The following HNRNPR variants were observed in gnomAD, a reference collection of about 807,000 sequenced individuals.
HNRNPR encodes the protein heterogeneous nuclear ribonucleoprotein R.
HNRNPR carries 4 observed loss-of-function variants against 70.3 expected under a neutral mutation model. That is an observed-to-expected ratio of 0.06 (90% CI 0.03 to 0.13). The LOEUF (loss-of-function observed/expected upper bound fraction) is 0.13. Among genes scored for constraint, HNRNPR ranks in the 10% least tolerant of loss-of-function variants. The pLI, the probability that HNRNPR is intolerant of heterozygous loss-of-function variation, is 1.00. For missense variants in HNRNPR, 423 were observed against 788.5 expected (o/e 0.54, Z 5.55); for synonymous variants, 241 against 267.6 (o/e 0.90, Z 0.97).
At chr1:23,331,834 TA>T (rs59006948) in intron 5 of HNRNPR, among the ~76,000 whole-genome samples, 833 of 59,204 alleles carry the variant, frequency 0.014, 25 homozygotes, top group African/African-American at 0.035. Flanking sequence ...ACTGTTTCTT[TA>T]AAAAAAAAAA....
rs980667537 is a variant in HNRNPR, at chr1:23,305,353, A to T, written c.*5101T>A. The T allele has an allele frequency of 3.9e-5, 6 of 152,166 alleles. No homozygotes were observed. Among genetic ancestry groups the T allele is most frequent in the African/African-American group, 1.4e-4 (6 of 41,446 alleles). The allele number at this position is 152,166 out of a possible 1,614,324, so 9.4% of individuals were successfully genotyped here. On this transcript the variant is annotated 3_prime_UTR_variant, in exon 11 of 11. Coordinates refer to ENST00000302271, the MANE Select transcript of HNRNPR (RefSeq NM_005826.5). ...CAACCCTGCAATCACTACAATTCTT[A>T]AAAGTATTACATAATTTCATTCTAG... is the stretch of plus-strand genomic sequence containing the variant.
chr1:23,319,657 G>C (rs1645681549), intron 7 of HNRNPR, among the ~76,000 whole-genome samples: 1 of 152,112 alleles, frequency 6.6e-6, no homozygotes, highest in Admixed American at 6.5e-5. Flanking sequence ...GTTATTTCCT[G>C]CTTAAAACCT....
At chr1:23,327,465 A>T (rs1340823742) in intron 5 of HNRNPR, among the ~76,000 whole-genome samples, 1 of 152,160 alleles carries the variant, frequency 6.6e-6, no homozygotes, top group Non-Finnish European at 1.5e-5. Context: ...AGGTGGGCAG[A>T]TCACTTTAAG....
At chr1:23,321,400 G>C (rs1645753996) in intron 7 of HNRNPR, 128 bp downstream of exon 7, 2 of 711,002 alleles carry the variant, frequency 2.8e-6, no homozygotes, top group Non-Finnish European at 2.3e-6. Context: ...AAAGCAGAAA[G>C]GAAGCAATTT....
intron 5 of HNRNPR, among the ~76,000 whole-genome samples, chr1:23,324,454 G>C (rs985080288): frequency 6.6e-6 from 1 of 152,148 alleles, no homozygotes; most frequent in Non-Finnish European, 1.5e-5. Flanking sequence ...TGTACTCCCA[G>C]CTACTTGGGA....
chr1:23,314,339 A>C (rs1450020643), intron 8 of HNRNPR, among the ~76,000 whole-genome samples: 1 of 152,186 alleles, frequency 6.6e-6, no homozygotes, highest in Non-Finnish European at 1.5e-5. Flanking sequence ...TATGACTTAA[A>C]ATCTAGGAGC....
At chr1:23,321,711 G>A (rs1645764992) in intron 6 of HNRNPR, 48 bp from the exon 7 acceptor site, 2 of 1,550,334 alleles carry the variant, frequency 1.3e-6, no homozygotes, top group Admixed American at 2.0e-5. Context: ...CCAAACTCAG[G>A]ACAATTGATC....
chr1:23,310,548 G>A lies in HNRNPR; in HGVS notation c.1808C>T (p.Pro603Leu), dbSNP rs1645289441. 2.5e-6 allele frequency: 4 copies of A among 1,614,114 alleles called. No individual in the cohort carries two copies. Among genetic ancestry groups the A allele is most frequent in the Non-Finnish European group, 2.5e-6 (3 of 1,180,018 alleles). ...AGAATAGTCACCACCTTGCTGAAGC[G>A]GCTGCTGAGCGATGGGTTGGGAACC... Reference protein sequence around the residue: ...NWGSQPIAQQPLQQGGDYSGN... With the variant: ...NWGSQPIAQQLLQQGGDYSGN... Residue 603 changes from proline (P) to leucine (L), a missense_variant, in exon 11 of 11, where the codon CCG (proline) becomes CTG (leucine). This residue lies in a region of HNRNPR where 39 missense variants were observed against 53.2 expected (regional missense o/e 0.73). Transcript: ENST00000302271. The surrounding 1 kb of genome is among the most constrained non-coding windows in gnomAD (Gnocchi z 6.0).
chr1:23,340,752 C>A, intron 2 of HNRNPR, 100 bp downstream of exon 2: 2 of 978,348 alleles, frequency 2.0e-6, no homozygotes, highest in South Asian at 1.8e-5. Context: ...CTCTACAGAT[C>A]AGAAACAATA....
rs1292618869 is a variant in HNRNPR at position 23,344,256 on chromosome 1, G to C, written c.-55C>G. 6.6e-6 allele frequency: 1 copy of C among 152,518 alleles called. No individual in the cohort carries two copies. Among genetic ancestry groups the C allele is most frequent in the Non-Finnish European group, 1.5e-5 (1 of 68,206 alleles). 9.4% of individuals were successfully genotyped at this position (152,518 alleles called of 1,614,324 possible). A position where few individuals can be genotyped will look rare whatever the true frequency, so the allele number is the denominator to read the frequency against. ...CAGCCGGGCCCGTGAGAATCAGCGC[G>C]AGGCGCTTTGAAAACGACTAGAAAT... On this transcript the variant is annotated 5_prime_UTR_variant, in exon 1 of 11. Transcript: ENST00000302271.
chr1:23,310,725 C>G lies in HNRNPR; in HGVS notation c.1631G>C (p.Gly544Ala). 1 of 1,613,796 alleles carries G rather than the reference C, an allele frequency of 6.2e-7. No homozygotes were observed. The highest frequency in any genetic ancestry group is 8.5e-7 in the Non-Finnish European group (1 of 1,179,836). ...CTGTTGAGCAGGACCCCCTCTGCCA[C>G]CCCTAGAGCCTCTTGGTGGTCCCAA... The part of the protein sequence containing the change: ...APLGPPRGSR[G>A]GRGGPAQQQR... The change falls in exon 11 of 11, where the codon GGT becomes GCT. Residue 544 changes from glycine (G) to alanine (A), a missense_variant. By Grantham distance (60) the Gly-to-Ala change is moderately conservative. Transcript: ENST00000302271. The surrounding 1 kb of genome is among the most constrained non-coding windows in gnomAD (Gnocchi z 6.0).
At chr1:23,328,064 G>A (rs1646066080) in intron 5 of HNRNPR, among the ~76,000 whole-genome samples, 1 of 151,904 alleles carries the variant, frequency 6.6e-6, no homozygotes, top group Admixed American at 6.6e-5. Context: ...GATGGAACAG[G>A]TACAAAAGGC....
chr1:23,331,269 C>G (rs975255396), intron 5 of HNRNPR, among the ~76,000 whole-genome samples: 40 of 151,994 alleles, frequency 2.6e-4, no homozygotes, highest in Admixed American at 1.2e-3. Flanking sequence ...TGGTTATCTC[C>G]GAGTTTATTA....
chr1:23,335,845 C>T (rs1056932761), intron 4 of HNRNPR, among the ~76,000 whole-genome samples: 2 of 151,904 alleles, frequency 1.3e-5, no homozygotes, highest in Admixed American at 6.6e-5. Flanking sequence ...CAGCCGGGCG[C>T]GGTGGCTCAC....
chr1:23,312,669 C>T (rs1375112126), intron 9 of HNRNPR, among the ~76,000 whole-genome samples: 2 of 152,132 alleles, frequency 1.3e-5, no homozygotes, highest in African/African-American at 4.8e-5. Flanking sequence ...ATAAACCAAT[C>T]AGGGATTCTA....
At chr1:23,337,235 CA>C (rs1211036084) in intron 4 of HNRNPR, among the ~76,000 whole-genome samples, 1 of 152,154 alleles carries the variant, frequency 6.6e-6, no homozygotes, top group Non-Finnish European at 1.5e-5. Flanking sequence ...TTCATGGCCA[CA>C]AAAGAGGGAA....
chr1:23,308,968 C>T lies in HNRNPR; in HGVS notation c.*1486G>A, dbSNP rs1252011465. 6.6e-6 allele frequency: 1 copy of T among 151,988 alleles called. No homozygotes were observed. The highest frequency in any genetic ancestry group is 1.9e-4 in the East Asian group (1 of 5,198). The allele number at this position is 151,988 out of a possible 1,614,324, so 9.4% of individuals were successfully genotyped here. A position where few individuals can be genotyped will look rare whatever the true frequency, so the allele number is the denominator to read the frequency against. On this transcript the variant is annotated 3_prime_UTR_variant, in exon 11 of 11. Coordinates refer to ENST00000302271, the MANE Select transcript of HNRNPR (RefSeq NM_005826.5). ...CGTAAGAATAAGATGGAGGGGAAAA[C>T]TTAATAGTAATTTGAAAGTGATTCA...
intron 4 of HNRNPR, among the ~76,000 whole-genome samples, chr1:23,334,610 T>C (rs1646388823): frequency 6.6e-6 from 1 of 152,194 alleles, no homozygotes; most frequent in South Asian, 2.1e-4. Flanking sequence ...TGCCATATCA[T>C]AAGCTCCACA....
intron 5 of HNRNPR, among the ~76,000 whole-genome samples, chr1:23,329,475 C>A (rs964088760): frequency 6.6e-6 from 1 of 152,144 alleles, no homozygotes; most frequent in Non-Finnish European, 1.5e-5. Context: ...TTCAGGTAAC[C>A]CTCCTCCCTT....
Sources: gnomAD v4.1 joint callset for allele counts (sites outside exome capture counted in the v4.1 genomes callset) on GRCh38, gnomAD v4.1.1 for gene constraint, gnomAD v4.1.1 regional missense constraint, Gnocchi (gnomAD v3.1) non-coding constraint, MANE v1.5 for transcripts, NCBI Gene and HGNC (gene_info 2026-07-23, HGNC 2026-07-21) for gene names.